The following DLG2 variants were observed in gnomAD, a reference collection of about 807,000 sequenced individuals.
DLG2 encodes discs large MAGUK scaffold protein 2, also known as disks large homolog 2.
A neutral mutation model predicts 132.5 loss-of-function variants in DLG2; 45 were observed. The observed-to-expected ratio is 0.34, with a 90% CI of 0.27 to 0.44. The LOEUF (loss-of-function observed/expected upper bound fraction) is 0.44, where lower values mean the gene tolerates loss of function less well. DLG2 is among the 20% of genes least tolerant of loss of function. DLG2 has a pLI of 1.00. For missense variants in DLG2, 1,045 were observed against 1,196.9 expected, an observed-to-expected ratio of 0.87 and a Z score of 1.87; for synonymous variants, 424 against 419.6, an observed-to-expected ratio of 1.01 and a Z score of -0.13.
At chr11:83,804,724 G>A (rs1320957742) in intron 17 of DLG2, among the ~76,000 whole-genome samples, 1 of 151,896 alleles carries the variant, frequency 6.6e-6, no homozygotes, top group Non-Finnish European at 1.5e-5. Flanking sequence ...TAACCACAAT[G>A]CCATTATTAC....
intron 4 of DLG2, among the ~76,000 whole-genome samples, chr11:85,217,582 C>T (rs2082706709): frequency 6.6e-6 from 1 of 152,182 alleles, no homozygotes; most frequent in South Asian, 2.1e-4. Flanking sequence ...TTCTACTATG[C>T]TGTCTTAGTT....
intron 8 of DLG2, among the ~76,000 whole-genome samples, chr11:84,236,489 C>A (rs1257762288): frequency 6.6e-6 from 1 of 152,192 alleles, no homozygotes; most frequent in African/African-American, 2.4e-5. Flanking sequence ...TTTTTGGGGG[C>A]CCTTAGGCCA....
rs145616649 is a variant in DLG2 at position 85,118,678 on chromosome 11, T to C, written c.283-6943A>G. ...GCACTTGACATGCATTGTCAGCTCA[T>C]TGTATCATCACATTAACCCTAGATA... On this transcript the variant is annotated intron_variant, in intron 5 of 27. Transcript: ENST00000376104. Among the ~76,000 whole-genome samples the C allele has an allele frequency of 9.0e-4, 137 of 152,126 alleles. 1 individual carries two copies. Among genetic ancestry groups the C allele is most frequent in the Middle Eastern group, 3.4e-3 (1 of 294 alleles).
chr11:85,131,470 G>C (rs954147410), intron 5 of DLG2, among the ~76,000 whole-genome samples: 56 of 152,156 alleles, frequency 3.7e-4, no homozygotes, highest in African/African-American at 1.2e-3. Flanking sequence ...TCCTTTAGTA[G>C]ATTACATAAG....
intron 10 of DLG2, among the ~76,000 whole-genome samples, chr11:84,096,775 A>C (rs2097171204): frequency 6.6e-6 from 1 of 151,972 alleles, no homozygotes; most frequent in African/African-American, 2.4e-5. Flanking sequence ...CAAACCTTTC[A>C]CTCTAGTGGG....
chr11:84,779,189 T>A (rs998325433), intron 6 of DLG2, among the ~76,000 whole-genome samples: 1 of 137,130 alleles, frequency 7.3e-6, no homozygotes, highest in Non-Finnish European at 1.6e-5. Flanking sequence ...TATATATATA[T>A]GTGCGCACAC....
chr11:85,625,062 T>C (rs1237615285), intron 2 of DLG2: 2 of 152,316 alleles, frequency 1.3e-5, no homozygotes, highest in Admixed American at 6.5e-5. Context: ...AGTTAAGTTA[T>C]ACCTAGAATA....
At chr11:83,512,313 G>A (rs1253352714) in intron 21 of DLG2, among the ~76,000 whole-genome samples, 1 of 152,078 alleles carries the variant, frequency 6.6e-6, no homozygotes, top group African/African-American at 2.4e-5. Flanking sequence ...AGAAATGGTG[G>A]GAAATACATT....
intron 4 of DLG2, among the ~76,000 whole-genome samples, chr11:85,210,342 T>A (rs1245511726): frequency 6.6e-6 from 1 of 152,022 alleles, no homozygotes; most frequent in East Asian, 1.9e-4. Context: ...TCCCTTATCA[T>A]GCACACCAAA....
chr11:84,037,560 T>C (rs1199212538), intron 11 of DLG2, among the ~76,000 whole-genome samples: 1 of 152,112 alleles, frequency 6.6e-6, no homozygotes, highest in Non-Finnish European at 1.5e-5. Flanking sequence ...GATTAAAGGA[T>C]ATTCTTTAAA....
At chr11:84,901,072 A>G (rs2090824344) in intron 6 of DLG2, among the ~76,000 whole-genome samples, 1 of 152,086 alleles carries the variant, frequency 6.6e-6, no homozygotes, top group Non-Finnish European at 1.5e-5. Flanking sequence ...TTTTTAATGT[A>G]AAAGAAAAAG....
intron 18 of DLG2, among the ~76,000 whole-genome samples, chr11:83,702,067 T>C (rs1433654182): frequency 1.3e-5 from 2 of 152,218 alleles, no homozygotes; most frequent in African/African-American, 4.8e-5. Flanking sequence ...AAAGAGTATC[T>C]TGCCTGATCT....
intron 7 of DLG2, among the ~76,000 whole-genome samples, chr11:84,295,023 T>A (rs761361334): frequency 3.9e-5 from 6 of 152,196 alleles, no homozygotes; most frequent in Non-Finnish European, 7.3e-5. Flanking sequence ...AGAAAACCCA[T>A]CAGCAATAAT....
At chr11:84,500,761 T>C (rs1432126534) in intron 7 of DLG2, among the ~76,000 whole-genome samples, 2 of 152,134 alleles carry the variant, frequency 1.3e-5, no homozygotes, top group African/African-American at 4.8e-5. Flanking sequence ...AGAAACCAGA[T>C]AGATAATTTA....
At chr11:83,606,902 G>T (rs1000808778) in intron 19 of DLG2, among the ~76,000 whole-genome samples, 2 of 152,086 alleles carry the variant, frequency 1.3e-5, no homozygotes, top group African/African-American at 4.8e-5. Flanking sequence ...ACTCCAGCCT[G>T]GGCGACAGAG....
chr11:85,587,253 T>C (rs1321498406), intron 3 of DLG2, among the ~76,000 whole-genome samples: 1 of 152,206 alleles, frequency 6.6e-6, no homozygotes, highest in Non-Finnish European at 1.5e-5. Flanking sequence ...TGTTTCCTTG[T>C]TGACTTTCTG....
At chr11:83,473,654 TGAAAA>T (rs2092326696) in intron 22 of DLG2, among the ~76,000 whole-genome samples, 2 of 152,048 alleles carry the variant, frequency 1.3e-5, no homozygotes, top group African/African-American at 4.8e-5. Flanking sequence ...TTAGGGCTGT[TGAAAA>T]GAACTTTCTG....
At chr11:84,743,748 T>C (rs139427285) in intron 6 of DLG2, among the ~76,000 whole-genome samples, 1 of 134,858 alleles carries the variant, frequency 7.4e-6, no homozygotes, top group African/African-American at 3.4e-5. Context: ...AGAATTTTCT[T>C]TTCTTTTTTT....
chr11:84,870,366 C>T (rs1000750349), intron 6 of DLG2, among the ~76,000 whole-genome samples: 10 of 152,158 alleles, frequency 6.6e-5, no homozygotes, highest in African/African-American at 2.2e-4. Flanking sequence ...TTCTTTCCAG[C>T]AAGATCCTGT....
Sources: allele counts gnomAD v4.1 joint callset (sites outside exome capture counted in the v4.1 genomes callset), GRCh38; gene constraint gnomAD v4.1.1; transcripts MANE v1.5; gene names NCBI Gene and HGNC (gene_info 2026-07-23, HGNC 2026-07-21).